Variants in KCNN2 observed in about 807,000 individuals in gnomAD.
The protein encoded by KCNN2 is potassium calcium-activated channel subfamily N member 2, also known as small conductance calcium-activated potassium channel protein 2.
KCNN2 carries 24 observed loss-of-function variants against 55.5 expected under a neutral mutation model. The observed-to-expected ratio is 0.43, with a 90% CI of 0.31 to 0.61. KCNN2 has a LOEUF of 0.61. KCNN2 is among the 20% of genes least tolerant of loss of function. The probability of loss-of-function intolerance (pLI) is 0.08; values close to 1 mark genes in which losing one functional copy is unlikely to be tolerated. For synonymous variants in KCNN2, 431 were observed against 336.1 expected (o/e 1.28, Z -3.09); for missense variants, 754 against 853.6 (o/e 0.88, Z 1.45).
intron 1 of KCNN2, among the ~76,000 whole-genome samples, chr5:114,077,800 G>A (rs569015718): frequency 7.2e-5 from 11 of 152,280 alleles, no homozygotes; most frequent in East Asian, 1.9e-4. Context: ...TCTCTGTCCC[G>A]TCTAGGGGAA....
chr5:114,390,736 C>T (rs1413647685), intron 2 of KCNN2, among the ~76,000 whole-genome samples: 1 of 152,116 alleles, frequency 6.6e-6, no homozygotes, highest in Admixed American at 6.6e-5. Flanking sequence ...TCTGTGATGT[C>T]AGTTCTGTTG....
rs368861743 is a variant in KCNN2, at chr5:114,417,060, T to C, written c.1637+12204T>C. Among the ~76,000 whole-genome samples, 5 of 152,362 alleles carry C rather than the reference T, an allele frequency of 3.3e-5. No individual in the cohort carries two copies. In the East Asian group the frequency reaches 5.8e-4, roughly 18 times the overall value. On this transcript the variant is annotated intron_variant, in intron 3 of 7. Coordinates refer to ENST00000673685, the MANE Select transcript of KCNN2 (RefSeq NM_021614.4). ...AGAATCATCCTAAATGCCCATTTGG[T>C]ATTATTTGGAATAATACCTTTTATG... is the stretch of plus-strand genomic sequence containing the variant.
chr5:114,388,086 A>G (rs1042308299), intron 2 of KCNN2, among the ~76,000 whole-genome samples: 5 of 152,190 alleles, frequency 3.3e-5, no homozygotes, highest in African/African-American at 4.8e-5. Flanking sequence ...CATAGATGCT[A>G]TGCTGTACCT....
rs115409794 is a variant in KCNN2 at position 114,464,627 on chromosome 5, G to A, written c.1779+1437G>A. 4.2e-3 allele frequency among the ~76,000 whole-genome samples: 646 copies of A among 152,178 alleles called. 4 individuals are homozygous for A. Among genetic ancestry groups the A allele is most frequent in the African/African-American group, 0.015 (606 of 41,504 alleles). Reference sequence around the variant, plus strand: ...ACAGGCAACATCCTTCTCCCCCCTCGGTAGTGTTCAACTGGGATAAGGCAG... The same window carrying A: ...ACAGGCAACATCCTTCTCCCCCCTCAGTAGTGTTCAACTGGGATAAGGCAG... On this transcript the variant is annotated intron_variant, in intron 4 of 7. Coordinates refer to ENST00000673685, the MANE Select transcript of KCNN2 (RefSeq NM_021614.4).
chr5:114,268,966 G>A (rs1167588293), intron 2 of KCNN2, among the ~76,000 whole-genome samples: 2 of 151,852 alleles, frequency 1.3e-5, no homozygotes, highest in African/African-American at 4.8e-5. Context: ...TGAGGATCCT[G>A]AGAGAATGGA....
intron 1 of KCNN2, among the ~76,000 whole-genome samples, chr5:114,166,447 C>G (rs186375734): frequency 6.6e-6 from 1 of 152,268 alleles, no homozygotes; most frequent in East Asian, 1.9e-4. Context: ...CCTTTGCAAA[C>G]TCTGGCCAAT....
At chr5:114,067,533 C>T (rs1750477006) in intron 1 of KCNN2, among the ~76,000 whole-genome samples, 1 of 152,040 alleles carries the variant, frequency 6.6e-6, no homozygotes, top group South Asian at 2.1e-4. Context: ...TTTTTAAATA[C>T]CTATCATAGC....
intron 1 of KCNN2, among the ~76,000 whole-genome samples, chr5:114,150,383 C>T (rs956212979): frequency 6.6e-6 from 1 of 152,170 alleles, no homozygotes; most frequent in Non-Finnish European, 1.5e-5. Context: ...ACCTGAAAAA[C>T]CAGTAAAACT....
At chr5:114,386,260 A>C (rs141822341) in intron 2 of KCNN2, among the ~76,000 whole-genome samples, 72 of 151,954 alleles carry the variant, frequency 4.7e-4, no homozygotes, top group African/African-American at 1.7e-3. Context: ...AGAGCAGTGG[A>C]ATCTTTTCAA....
chr5:114,140,284 A>G (rs1409865242), intron 1 of KCNN2, among the ~76,000 whole-genome samples: 1 of 152,230 alleles, frequency 6.6e-6, no homozygotes, highest in African/African-American at 2.4e-5. Context: ...TTTATTATCA[A>G]GTAGCTAAAC....
At chr5:114,140,945 C>T (rs1338078590) in intron 1 of KCNN2, among the ~76,000 whole-genome samples, 4 of 151,700 alleles carry the variant, frequency 2.6e-5, no homozygotes, top group Non-Finnish European at 5.9e-5. Context: ...CGCACCACCA[C>T]ACCCATCTAA....
chr5:114,474,450 C>G (rs1160288962), intron 5 of KCNN2, among the ~76,000 whole-genome samples: 1 of 152,168 alleles, frequency 6.6e-6, no homozygotes, highest in Non-Finnish European at 1.5e-5. Flanking sequence ...CCATGACTTA[C>G]TCTCATTTTC....
chr5:114,359,898 A>G (rs981465640), upstream of KCNN2, among the ~76,000 whole-genome samples: 1 of 152,184 alleles, frequency 6.6e-6, no homozygotes, highest in African/African-American at 2.4e-5. Flanking sequence ...TTTAATTCAA[A>G]TTACTTCGCA....
chr5:114,127,312 C>T (rs1751957381), intron 1 of KCNN2, among the ~76,000 whole-genome samples: 1 of 152,298 alleles, frequency 6.6e-6, no homozygotes, highest in South Asian at 2.1e-4. Context: ...CAGACTTCTG[C>T]CTGAACATGC....
At chr5:114,376,643 T>A (rs1580765094) in intron 2 of KCNN2, among the ~76,000 whole-genome samples, 2 of 152,322 alleles carry the variant, frequency 1.3e-5, no homozygotes, top group Middle Eastern at 6.8e-3. Flanking sequence ...TCTCTCCTCT[T>A]TTGTGTGAAT....
chr5:114,375,121 C>G (rs1158625279), intron 2 of KCNN2, among the ~76,000 whole-genome samples: 1 of 152,108 alleles, frequency 6.6e-6, no homozygotes, highest in Non-Finnish European at 1.5e-5. Flanking sequence ...TGTCTCCAGT[C>G]ACAAGGTTAA....
intron 6 of KCNN2, among the ~76,000 whole-genome samples, chr5:114,488,769 AC>A (rs1192157370): frequency 1.3e-5 from 2 of 152,190 alleles, no homozygotes; most frequent in Non-Finnish European, 2.9e-5. Context: ...CTACACAGTA[AC>A]CCCAACACAT....
chr5:114,062,099 TC>T (rs1750345096), intron 1 of KCNN2, among the ~76,000 whole-genome samples: 1 of 148,168 alleles, frequency 6.7e-6, no homozygotes, highest in South Asian at 2.2e-4. Context: ...ATATATGGGT[TC>T]TTTTTTTTTT....
At chr5:114,285,634 C>A (rs942598489) in intron 2 of KCNN2, among the ~76,000 whole-genome samples, 4 of 152,018 alleles carry the variant, frequency 2.6e-5, no homozygotes, top group Admixed American at 2.6e-4. Context: ...TCAATAATTG[C>A]AGATTATATG....
Sources: gnomAD v4.1 joint callset for allele counts (sites outside exome capture counted in the v4.1 genomes callset) on GRCh38, gnomAD v4.1.1 for gene constraint, MANE v1.5 for transcripts, NCBI Gene and HGNC (gene_info 2026-07-23, HGNC 2026-07-21) for gene names.